MYO9B: variants seen among roughly 807,000 people sequenced by gnomAD.
MYO9B encodes myosin IXB, also known as unconventional myosin-IXb.
MYO9B carries 71 observed loss-of-function variants against 229.5 expected under a neutral mutation model. That is an observed-to-expected ratio of 0.31 (90% CI 0.26 to 0.38). The LOEUF (loss-of-function observed/expected upper bound fraction) is 0.38, where lower values mean the gene tolerates loss of function less well. Ranked by LOEUF, MYO9B falls within the 10% of genes least tolerant of loss-of-function variation. MYO9B has a pLI of 1.00. For synonymous variants in MYO9B, 1,185 were observed against 1,235.8 expected (o/e 0.96, Z 0.86); for missense variants, 2,255 against 2,920.5 (o/e 0.77, Z 5.25).
intron 2 of MYO9B, among the ~76,000 whole-genome samples, chr19:17,105,046 C>G (rs1214434274): frequency 6.6e-6 from 1 of 152,058 alleles, no homozygotes; most frequent in African/African-American, 2.4e-5. Flanking sequence ...CCATGCTCCC[C>G]CTGTTCATCC....
chr19:17,172,302 T>A lies in MYO9B; in HGVS notation c.1794-34T>A, dbSNP rs1473667352. On this transcript the variant is annotated intron_variant, in intron 11 of 39. Coordinates refer to ENST00000682292, the MANE Select transcript of MYO9B (RefSeq NM_004145.4). This position sits in a 1 kb window ranked among gnomAD's most constrained non-coding sequence, Gnocchi z 8.2. ...ACACAGCAGGTAAATCAGCCGCTGT[T>A]CATGCCTGCAAAGGTTCCATGTTCT... The A allele has an allele frequency of 1.2e-6, 2 of 1,612,724 alleles. No individual in the cohort carries two copies. Among genetic ancestry groups the A allele is most frequent in the Non-Finnish European group, 1.7e-6 (2 of 1,179,118 alleles).
At chr19:17,134,381 G>GTTTTTTTTTTTTTTTTTTTTTTTT (rs869297825) in intron 2 of MYO9B, among the ~76,000 whole-genome samples, 1 of 46,472 alleles carries the variant, frequency 2.2e-5, no homozygotes, top group African/African-American at 8.9e-5. Flanking sequence ...CGTTTTGTTT[G>GTTTTTTTTTTTTTTTTTTTTTTTT]TTTTTTTTTT....
chr19:17,096,503 A>G (rs1230850420), intron 1 of MYO9B, among the ~76,000 whole-genome samples: 1 of 151,912 alleles, frequency 6.6e-6, no homozygotes, highest in Non-Finnish European at 1.5e-5. Context: ...AAAAAATACA[A>G]AAATTAGCTG....
At chr19:17,148,739 A>C (rs1186631913) in intron 3 of MYO9B, among the ~76,000 whole-genome samples, 1 of 152,142 alleles carries the variant, frequency 6.6e-6, no homozygotes, top group East Asian at 1.9e-4. Flanking sequence ...ATATGCCACC[A>C]CACCCAGCTA....
At chr19:17,163,191 T>C in intron 10 of MYO9B, 69 bp downstream of exon 10, 2 of 1,483,348 alleles carry the variant, frequency 1.3e-6, no homozygotes, top group Non-Finnish European at 1.8e-6. Context: ...ATTTACCATC[T>C]TAACCATTTG....
intron 33 of MYO9B, 44 bp from the exon 34 acceptor site, chr19:17,206,635 G>A: frequency 6.6e-7 from 1 of 1,507,054 alleles, no homozygotes; most frequent in Non-Finnish European, 9.0e-7. Context: ...CAGGCACCTT[G>A]GGGACCCTTG....
At chr19:17,141,971 G>A (rs1487459685) in intron 2 of MYO9B, among the ~76,000 whole-genome samples, 1 of 152,128 alleles carries the variant, frequency 6.6e-6, no homozygotes, top group East Asian at 1.9e-4. Context: ...GAGGCCGGGA[G>A]TTCAAGACCA....
intron 38 of MYO9B, 152 bp downstream of exon 38, chr19:17,211,000 TTTG>T: frequency 2.3e-6 from 2 of 862,158 alleles, no homozygotes; most frequent in Non-Finnish European, 1.7e-6. Context: ...TTTTTTTTTT[TTTG>T]AGACGGCGTC....
chr19:17,200,392 G>A lies in MYO9B; in HGVS notation c.4338G>A (p.Val1446=). Reference sequence around the variant, plus strand: ...AGAATGCAGTGTCCGGGCACGTGGTGCTGGAAGCCACCACCATGAAGAAGG... The same window carrying A: ...AGAATGCAGTGTCCGGGCACGTGGTACTGGAAGCCACCACCATGAAGAAGG... ...ELENAVSGHV[V]LEATTMKKGL... Residue 1446 remains valine (V), a synonymous_variant, in exon 25 of 40, where the codon GTG becomes GTA. Coordinates refer to ENST00000682292, the MANE Select transcript of MYO9B (RefSeq NM_004145.4). The A allele has an allele frequency of 6.3e-7, 1 of 1,595,762 alleles. No homozygotes were observed. Among genetic ancestry groups the A allele is most frequent in the Non-Finnish European group, 8.5e-7 (1 of 1,170,694 alleles).
At chr19:17,177,881 CAAGAAGT>C (rs753141957) in intron 14 of MYO9B, 28 of 152,744 alleles carry the variant, frequency 1.8e-4, no homozygotes, top group African/African-American at 5.8e-4. Context: ...TCTATGAAAG[CAAGAAGT>C]AAGTGCAGAA....
chr19:17,163,521 C>A (rs918387516), intron 10 of MYO9B, among the ~76,000 whole-genome samples: 1 of 152,024 alleles, frequency 6.6e-6, no homozygotes, highest in Non-Finnish European at 1.5e-5. Context: ...GTGCACACTA[C>A]CATGCCTGGC....
intron 1 of MYO9B, among the ~76,000 whole-genome samples, chr19:17,099,839 C>T (rs912690780): frequency 4.3e-5 from 6 of 140,180 alleles, no homozygotes; most frequent in East Asian, 2.1e-4. Flanking sequence ...AAAAAAAGGC[C>T]GGGTGCGGTA....
chr19:17,137,050 A>G (rs887104321), intron 2 of MYO9B, among the ~76,000 whole-genome samples: 12 of 152,124 alleles, frequency 7.9e-5, no homozygotes, highest in African/African-American at 2.7e-4. Flanking sequence ...ACCAACATGG[A>G]GAAACCCCGT....
At position 17,152,704 on chromosome 19, in the gene MYO9B, G is replaced by C; in HGVS notation, c.996G>C (p.Glu332Asp). The change falls in exon 4 of 40, where the codon GAG becomes GAC. Residue 332 changes from glutamate (E) to aspartate (D), a missense_variant and splice_region_variant. Physicochemically the swap from Glu to Asp is conservative, Grantham distance 45 (BLOSUM62 2). Around this residue, in one of 7 missense-constraint regions of MYO9B, gnomAD observed 386 missense variants for 515.2 expected, o/e 0.75. Transcript: ENST00000682292. ...GCCTGGTGTCTCAGGAGAAGGATGA[G>C]AGGTAGGAGAATGTTTTCCCAGGAA... is the stretch of plus-strand genomic sequence containing the variant. Reference protein sequence around the residue: ...KSRLVSQEKDERNYHVFYYLL... With the variant: ...KSRLVSQEKDDRNYHVFYYLL... The C allele has an allele frequency of 6.2e-7, 1 of 1,612,064 alleles. No homozygotes were observed. Among genetic ancestry groups the C allele is most frequent in the Non-Finnish European group, 8.5e-7 (1 of 1,178,742 alleles).
rs953004342 is a variant in MYO9B at position 17,184,779 on chromosome 19, G to T, written c.2374-86G>T. ...GCACTCGCTGCGGGGACGCTGTTCTGCCCTGGCTTCGGGGACACCTGTGAT... is the reference window on the plus strand; with the variant it reads ...GCACTCGCTGCGGGGACGCTGTTCTTCCCTGGCTTCGGGGACACCTGTGAT... On this transcript the variant is annotated intron_variant, in intron 16 of 39. Coordinates refer to ENST00000682292, the MANE Select transcript of MYO9B (RefSeq NM_004145.4). 3.2e-6 allele frequency: 5 copies of T among 1,578,002 alleles called. No individual in the cohort carries two copies. In the African/African-American group the frequency reaches 6.7e-5, roughly 21 times the overall value.
rs550793838 is a variant in MYO9B at position 17,202,360 on chromosome 19, G to A, written c.4836+57G>A. The A allele has an allele frequency of 3.5e-5, 51 of 1,444,780 alleles. No homozygotes were observed. In the South Asian group the frequency reaches 3.8e-4, roughly 11 times the overall value. 89.5% of individuals were successfully genotyped at this position (1,444,780 alleles called of 1,614,324 possible). On this transcript the variant is annotated intron_variant, in intron 28 of 39. Transcript: ENST00000682292. ...GACATGCCACGCCTACCCATGCCTC[G>A]CCATCCTTAGCCACGCCCACCCATG...
At chr19:17,095,253 G>A (rs914764840) in intron 1 of MYO9B, among the ~76,000 whole-genome samples, 1 of 152,050 alleles carries the variant, frequency 6.6e-6, no homozygotes, top group African/African-American at 2.4e-5. Context: ...AAAATTAAGT[G>A]TGCTAGTCAG....
Position 17,195,147 on chromosome 19 carries a change from T to G in MYO9B, c.3720T>G (p.Ser1240Arg), listed in dbSNP as rs779897291. ...VSEETEKTLP[S>R]GSPRPGQLER... ...AAGAAACTGAGAAGACGCTGCCCAG[T>G]GGGAGCCCCAGGCCTGGCCAGTTGG... Residue 1240 changes from serine (S) to arginine (R), a missense_variant, in exon 22 of 40, where the codon AGT (serine) becomes AGG (arginine). Transcript: ENST00000682292. This position sits in a 1 kb window ranked among gnomAD's most constrained non-coding sequence, Gnocchi z 4.5. 2.5e-6 allele frequency: 4 copies of G among 1,611,418 alleles called. No individual in the cohort carries two copies. In the East Asian group the frequency reaches 6.7e-5, roughly 27 times the overall value.
At chr19:17,091,725 C>G (rs1229729534) in intron 1 of MYO9B, among the ~76,000 whole-genome samples, 1 of 152,126 alleles carries the variant, frequency 6.6e-6, no homozygotes, top group Non-Finnish European at 1.5e-5. Context: ...GCTCCCACCA[C>G]CCCCATCCCA....
Sources: allele counts gnomAD v4.1 joint callset (sites outside exome capture counted in the v4.1 genomes callset), GRCh38; gene constraint gnomAD v4.1.1; regional missense constraint gnomAD v4.1.1; non-coding constraint Gnocchi (gnomAD v3.1); transcripts MANE v1.5; gene names NCBI Gene and HGNC (gene_info 2026-07-23, HGNC 2026-07-21).